The following ZDHHC15 variants were observed in gnomAD, a reference collection of about 807,000 sequenced individuals.
The protein encoded by ZDHHC15 is palmitoyltransferase ZDHHC15.
A neutral mutation model predicts 31.7 loss-of-function variants in ZDHHC15; 19 were observed. That is an observed-to-expected ratio of 0.60 (90% confidence interval 0.42 to 0.88). The LOEUF (loss-of-function observed/expected upper bound fraction) is 0.88, where lower values mean the gene tolerates loss of function less well. Ranked by LOEUF, ZDHHC15 falls within the 40% of genes least tolerant of loss-of-function variation. The pLI is 0.00. For missense variants in ZDHHC15, 209 were observed against 251.2 expected, an observed-to-expected ratio of 0.83 and a Z score of 1.14; for synonymous variants, 103 against 90.0, an observed-to-expected ratio of 1.14 and a Z score of -0.82.
chrX:75,460,909 G>A (rs1461333164), intron 3 of ZDHHC15, among the ~76,000 whole-genome samples: 2 of 111,968 alleles, frequency 1.8e-5, no homozygotes, highest in African/African-American at 6.5e-5. Context: ...CACCTCTAGA[G>A]CAAGGGCACA....
At chrX:75,421,411 A>AT (rs1491488470) in intron 9 of ZDHHC15, among the ~76,000 whole-genome samples, 6 of 26,053 alleles carry the variant, frequency 2.3e-4, no homozygotes, top group South Asian at 1.9e-3. Flanking sequence ...ATATATATAT[A>AT]ATATATATAT....
At chrX:75,515,715 T>A (rs1000211160) in intron 1 of ZDHHC15, among the ~76,000 whole-genome samples, 18 of 111,412 alleles carry the variant, frequency 1.6e-4, no homozygotes, top group Non-Finnish European at 3.4e-4. Context: ...TTCAACAACA[T>A]ATTGGAAGTT....
rs1246412797 is a variant in ZDHHC15 at position 75,447,809 on chromosome X, T to C, written c.379+2993A>G. Among the ~76,000 whole-genome samples the C allele has an allele frequency of 2.7e-5, 3 of 111,851 alleles. No homozygotes were observed. In the Admixed American group the frequency reaches 2.9e-4, roughly 11 times the overall value. ...GGACTTCCACCAGGGGACACAACAATGATTCCATTGAACTGGAAGTTAAGA... is the reference window on the plus strand; with the variant it reads ...GGACTTCCACCAGGGGACACAACAACGATTCCATTGAACTGGAAGTTAAGA... On this transcript the variant is annotated intron_variant, in intron 4 of 11. Transcript: ENST00000373367.
intron 4 of ZDHHC15, among the ~76,000 whole-genome samples, chrX:75,440,846 C>G (rs1026302882): frequency 9.0e-6 from 1 of 111,595 alleles, no homozygotes; most frequent in African/African-American, 3.3e-5. Context: ...GTGGGGCTTG[C>G]TATGGTTGCT....
intron 4 of ZDHHC15, among the ~76,000 whole-genome samples, chrX:75,443,775 A>G (rs1201016327): frequency 8.0e-5 from 9 of 112,269 alleles, no homozygotes; most frequent in African/African-American, 2.9e-4. Context: ...TTACAAGGAA[A>G]AAACAAACAA....
At chrX:75,450,750 T>A in intron 4 of ZDHHC15, 52 bp downstream of exon 4, 1 of 1,209,857 alleles carries the variant, frequency 8.3e-7, no homozygotes, top group South Asian at 1.8e-5. Flanking sequence ...TGACTTAGCC[T>A]TTCTGAGATA....
At chrX:75,480,049 G>T (rs1265628515) in intron 2 of ZDHHC15, among the ~76,000 whole-genome samples, 1 of 110,302 alleles carries the variant, frequency 9.1e-6, no homozygotes, top group Non-Finnish European at 1.9e-5. Context: ...TCCTTAAATG[G>T]TATGGTCTTA....
At chrX:75,475,684 T>C (rs982787465) in intron 3 of ZDHHC15, among the ~76,000 whole-genome samples, 1 of 112,208 alleles carries the variant, frequency 8.9e-6, no homozygotes, top group Non-Finnish European at 1.9e-5. Context: ...TTCAAGATTG[T>C]TTTTGGTATG....
chrX:75,478,630 C>T (rs774823157), intron 3 of ZDHHC15, among the ~76,000 whole-genome samples: 3 of 111,615 alleles, frequency 2.7e-5, no homozygotes, highest in Non-Finnish European at 5.7e-5. Flanking sequence ...TCTCCCACCT[C>T]AGCCTCCAAA....
intron 1 of ZDHHC15, among the ~76,000 whole-genome samples, chrX:75,513,660 G>A (rs750099817): frequency 9.0e-5 from 10 of 111,336 alleles, no homozygotes; most frequent in African/African-American, 3.3e-4. Context: ...GGCTTCCAAA[G>A]TGAGAGGAAA....
At chrX:75,507,664 T>C (rs1437049824) in intron 1 of ZDHHC15, among the ~76,000 whole-genome samples, 2 of 111,692 alleles carry the variant, frequency 1.8e-5, no homozygotes, top group African/African-American at 6.5e-5. Flanking sequence ...TGGTGATACA[T>C]GTAATTATAC....
rs780838506 is a variant in ZDHHC15, at chrX:75,421,944, C to T, written c.783G>A (p.Gly261=). Residue 261 remains glycine, a synonymous_variant, in exon 9 of 12, where the codon GGG becomes GGA. Transcript: ENST00000373367. The part of the protein sequence containing the change: ...PVFTSGPEKN[G]FNLGFIKNIQ... ...TATTCTTGATGAAGCCAAGGTTGAA[C>T]CCATTTTTCTCTGGGCCACTTGTAA... The T allele has an allele frequency of 8.3e-7, 1 of 1,210,260 alleles. No individual in the cohort carries two copies. The highest frequency in any genetic ancestry group is 1.1e-6 in the Non-Finnish European group (1 of 894,747).
rs182368368 is a variant in ZDHHC15 at position 75,397,620 on chromosome X, T to G, written c.968-18422A>C. Among the ~76,000 whole-genome samples the G allele has an allele frequency of 2.7e-5, 3 of 111,032 alleles. No homozygotes were observed. In the Admixed American group the frequency reaches 2.9e-4, roughly 11 times the overall value. ...ACCTGGGGAGTAGTGGCCAAGATGGTCAACTAGAAGCAGCTAGGTTGTGTG... is the reference window on the plus strand; with the variant it reads ...ACCTGGGGAGTAGTGGCCAAGATGGGCAACTAGAAGCAGCTAGGTTGTGTG... On this transcript the variant is annotated intron_variant, in intron 10 of 11. Coordinates refer to ENST00000373367, the MANE Select transcript of ZDHHC15 (RefSeq NM_144969.3).
intron 1 of ZDHHC15, among the ~76,000 whole-genome samples, chrX:75,513,080 A>T (rs1278024376): frequency 2.8e-5 from 3 of 107,955 alleles, no homozygotes; most frequent in Non-Finnish European, 5.8e-5. Context: ...AAAACTGGCT[A>T]GCCATATGTA....
chrX:75,447,591 A>T (rs1445561904), intron 4 of ZDHHC15, among the ~76,000 whole-genome samples: 1 of 111,723 alleles, frequency 9.0e-6, no homozygotes, highest in African/African-American at 3.3e-5. Flanking sequence ...CAAAAGCTGT[A>T]TATGCTCTGA....
intron 2 of ZDHHC15, among the ~76,000 whole-genome samples, chrX:75,500,987 C>T (rs889078659): frequency 3.9e-4 from 43 of 110,410 alleles, no homozygotes; most frequent in African/African-American, 1.3e-3. Flanking sequence ...ATTTTCGGTT[C>T]GGGGGCACAT....
chrX:75,419,350 T>A (rs2083591777), intron 9 of ZDHHC15, among the ~76,000 whole-genome samples: 1 of 111,714 alleles, frequency 9.0e-6, no homozygotes, highest in African/African-American at 3.3e-5. Flanking sequence ...CATGAAAAAA[T>A]GGTCATCATC....
intron 3 of ZDHHC15, among the ~76,000 whole-genome samples, chrX:75,468,730 T>C (rs1036853740): frequency 4.5e-5 from 5 of 112,065 alleles, no homozygotes; most frequent in Non-Finnish European, 9.4e-5. Flanking sequence ...CCAAGAGTTA[T>C]TATTTTTCAT....
intron 4 of ZDHHC15, among the ~76,000 whole-genome samples, chrX:75,441,553 T>A (rs1242477500): frequency 9.0e-6 from 1 of 110,844 alleles, no homozygotes; most frequent in Admixed American, 9.6e-5. Flanking sequence ...GAGTTTGCAG[T>A]GGCAAGATGC....
Sources: allele counts gnomAD v4.1 joint callset (sites outside exome capture counted in the v4.1 genomes callset), GRCh38; gene constraint gnomAD v4.1.1; transcripts MANE v1.5; gene names NCBI Gene and HGNC (gene_info 2026-07-23, HGNC 2026-07-21).